Variants in NR2C2 observed in about 807,000 individuals in gnomAD.
NR2C2 encodes the protein Nuclear hormone receptor TR4.
In NR2C2, 6 loss-of-function variants were observed where a neutral mutation model predicts 62.9. The ratio of observed to expected loss-of-function variants is 0.10; its 90% CI spans 0.05 to 0.19. The LOEUF is 0.19. Ranked by LOEUF, NR2C2 falls within the 10% of genes least tolerant of loss-of-function variation. The pLI, the probability that NR2C2 is intolerant of heterozygous loss-of-function variation, is 1.00. For synonymous variants in NR2C2, 272 were observed against 273.8 expected, an observed-to-expected ratio of 0.99 and a Z score of 0.07; for missense variants, 479 against 762.7, an observed-to-expected ratio of 0.63 and a Z score of 4.38.
intron 1 of NR2C2, chr3:14,962,602 C>T (rs62241829): frequency 0.09 from 13,582 of 150,856 alleles, 669 homozygotes; most frequent in African/African-American, 0.12. Flanking sequence ...GCATGTGATA[C>T]GTCCTAGGGT....
chr3:14,963,550 G>T (rs2039749239), intron 1 of NR2C2, among the ~76,000 whole-genome samples: 1 of 152,002 alleles, frequency 6.6e-6, no homozygotes, highest in African/African-American at 2.4e-5. Context: ...CCCACTGCAA[G>T]CTCCGCTTCC....
At chr3:14,984,376 T>G (rs181174496) in intron 1 of NR2C2, among the ~76,000 whole-genome samples, 1 of 152,194 alleles carries the variant, frequency 6.6e-6, no homozygotes, top group African/African-American at 2.4e-5. Context: ...TTTTATAAAT[T>G]TTTAGGATAG....
chr3:15,049,058 A>G lies in NR2C2; in HGVS notation c.*6050A>G, dbSNP rs996077116. ...ACTTTGTTTATGTGATGGCATTTAA[A>G]AAATAGCATGTTCTTTTTAAACTGA... On this transcript the variant is annotated 3_prime_UTR_variant, in exon 14 of 14. Transcript: ENST00000425241. The G allele has an allele frequency of 5.2e-5, 8 of 152,666 alleles. No individual in the cohort carries two copies. The highest frequency in any genetic ancestry group is 1.0e-4 in the Non-Finnish European group (7 of 68,052). 9.5% of individuals were successfully genotyped at this position (152,666 alleles called of 1,614,324 possible).
At chr3:14,968,582 C>G (rs1365838491) in intron 1 of NR2C2, among the ~76,000 whole-genome samples, 2 of 149,252 alleles carry the variant, frequency 1.3e-5, no homozygotes, top group Non-Finnish European at 3.0e-5. Flanking sequence ...TGTGGCGATT[C>G]CTCAGGGATC....
intron 1 of NR2C2, among the ~76,000 whole-genome samples, chr3:14,998,499 G>T (rs981099967): frequency 2.0e-5 from 3 of 152,148 alleles, no homozygotes; most frequent in African/African-American, 4.8e-5. Flanking sequence ...GTCTTGATTT[G>T]CATTTCCCTA....
chr3:14,996,811 C>G (rs2040846251), intron 1 of NR2C2, among the ~76,000 whole-genome samples: 1 of 152,192 alleles, frequency 6.6e-6, no homozygotes, highest in African/African-American at 2.4e-5. Context: ...ATCCGCCCGC[C>G]TCGGCCTCCC....
intron 1 of NR2C2, among the ~76,000 whole-genome samples, chr3:14,991,749 CTTTTTT>C (rs869094168): frequency 7.6e-6 from 1 of 132,234 alleles, no homozygotes; most frequent in Non-Finnish European, 1.6e-5. Context: ...TCCCTTTTTT[CTTTTTT>C]TTTTTTCTTT....
intron 1 of NR2C2, among the ~76,000 whole-genome samples, chr3:14,979,207 C>G (rs1359796622): frequency 6.6e-6 from 1 of 151,464 alleles, no homozygotes; most frequent in Non-Finnish European, 1.5e-5. Context: ...TTTAAGGTGG[C>G]TTGGTAAAGG....
rs1175150393 is a variant in NR2C2, at chr3:15,046,070, G to A, written c.*3062G>A. ...TAGTTGAGCAAGTAATACTTTTCAA[G>A]TTACTCCTGGAAGGTGTTTTTAAGG... On this transcript the variant is annotated 3_prime_UTR_variant, in exon 14 of 14. Coordinates refer to ENST00000425241, the MANE Select transcript of NR2C2 (RefSeq NM_001291694.2). 1 of 152,226 alleles carries A rather than the reference G, an allele frequency of 6.6e-6. No homozygotes were observed. Among genetic ancestry groups the A allele is most frequent in the African/African-American group, 2.4e-5 (1 of 41,470 alleles). 9.4% of individuals were successfully genotyped at this position (152,226 alleles called of 1,614,324 possible). A position where few individuals can be genotyped will look rare whatever the true frequency, so the allele number is the denominator to read the frequency against.
At chr3:14,999,035 G>A (rs1260191150) in intron 1 of NR2C2, among the ~76,000 whole-genome samples, 1 of 152,068 alleles carries the variant, frequency 6.6e-6, no homozygotes, top group African/African-American at 2.4e-5. Context: ...TTTTTTTTAA[G>A]GCCAGGTGCA....
At chr3:14,968,865 C>G (rs1434070046) in intron 1 of NR2C2, among the ~76,000 whole-genome samples, 2 of 145,622 alleles carry the variant, frequency 1.4e-5, no homozygotes, top group Non-Finnish European at 3.0e-5. Context: ...AATCATCATT[C>G]TCAGTAAACT....
intron 1 of NR2C2, among the ~76,000 whole-genome samples, chr3:14,960,466 A>T (rs1308439857): frequency 6.6e-6 from 1 of 152,202 alleles, no homozygotes; most frequent in African/African-American, 2.4e-5. Flanking sequence ...ATAATTCTGT[A>T]CTAGGCCTCT....
At chr3:14,969,727 T>C (rs2039980946) in intron 1 of NR2C2, among the ~76,000 whole-genome samples, 1 of 152,230 alleles carries the variant, frequency 6.6e-6, no homozygotes, top group African/African-American at 2.4e-5. Context: ...ATCCCTGGGC[T>C]ATGTAAGGGG....
chr3:14,986,064 T>C (rs1405891914), intron 1 of NR2C2, among the ~76,000 whole-genome samples: 1 of 152,166 alleles, frequency 6.6e-6, no homozygotes, highest in Non-Finnish European at 1.5e-5. Context: ...AGAACCTTCC[T>C]CTTAGGGGTT....
chr3:15,009,155 G>A (rs2041277682), intron 2 of NR2C2, among the ~76,000 whole-genome samples: 1 of 152,216 alleles, frequency 6.6e-6, no homozygotes, highest in South Asian at 2.1e-4. Flanking sequence ...CTGGGAGGCG[G>A]AGGTTGCAGT....
At chr3:14,963,245 C>G (rs1455688655) in intron 1 of NR2C2, among the ~76,000 whole-genome samples, 1 of 152,190 alleles carries the variant, frequency 6.6e-6, no homozygotes, top group Non-Finnish European at 1.5e-5. Context: ...GTACCATGCC[C>G]TATGCAAGGG....
chr3:14,963,689 C>G (rs2039754966), intron 1 of NR2C2, among the ~76,000 whole-genome samples: 1 of 152,126 alleles, frequency 6.6e-6, no homozygotes, highest in African/African-American at 2.4e-5. Flanking sequence ...CCAGGATGGT[C>G]TCCATCTCCT....
chr3:14,948,930 A>C (rs775258624), intron 1 of NR2C2, among the ~76,000 whole-genome samples: 2 of 152,078 alleles, frequency 1.3e-5, no homozygotes, highest in Non-Finnish European at 2.9e-5. Context: ...GTGGGGCTCT[A>C]CTCAGAAAAT....
At chr3:15,016,734 C>T (rs1033395398) in intron 4 of NR2C2, among the ~76,000 whole-genome samples, 3 of 152,202 alleles carry the variant, frequency 2.0e-5, no homozygotes, top group Non-Finnish European at 4.4e-5. Context: ...GAGGCAGTCG[C>T]ACCTGGGAGC....
Sources: allele counts gnomAD v4.1 joint callset (sites outside exome capture counted in the v4.1 genomes callset), GRCh38; gene constraint gnomAD v4.1.1; transcripts MANE v1.5; gene names NCBI Gene and HGNC (gene_info 2026-07-23, HGNC 2026-07-21).